SLC30A8: variants seen among roughly 807,000 people sequenced by gnomAD.
SLC30A8 encodes the protein solute carrier family 30 member 8, also known as proton-coupled zinc antiporter SLC30A8.
In SLC30A8, 27 loss-of-function variants were observed where a neutral mutation model predicts 36.9. The ratio of observed to expected loss-of-function variants is 0.73; its 90% confidence interval spans 0.54 to 1.01. SLC30A8 has a LOEUF of 1.01. Ranked by LOEUF, SLC30A8 falls within the 50% of genes least tolerant of loss-of-function variation. The pLI is 0.00. For missense variants in SLC30A8, 439 were observed against 452.0 expected (o/e 0.97, Z 0.26); for synonymous variants, 164 against 172.4 (o/e 0.95, Z 0.38).
At chr8:117,074,988 C>T (rs1185726504) in intron 2 of SLC30A8, among the ~76,000 whole-genome samples, 3 of 151,902 alleles carry the variant, frequency 2.0e-5, no homozygotes, top group Non-Finnish European at 4.4e-5. Flanking sequence ...TTAAATAGGT[C>T]TATAGGGAGA....
intron 2 of SLC30A8, among the ~76,000 whole-genome samples, chr8:117,149,677 T>TATC (rs964253044): frequency 1.3e-5 from 2 of 152,342 alleles, no homozygotes; most frequent in East Asian, 1.9e-4. Context: ...TGCCTCCTGC[T>TATC]ATCACACAGT....
At chr8:116,982,112 A>T (rs1815288829) in intron 1 of SLC30A8, among the ~76,000 whole-genome samples, 1 of 152,152 alleles carries the variant, frequency 6.6e-6, no homozygotes, top group Non-Finnish European at 1.5e-5. Flanking sequence ...AGCCATTCTG[A>T]CTGATGTCAT....
Position 117,152,975 on chromosome 8 carries a change from C to T in SLC30A8, c.303C>T (p.Val101=). The T allele has an allele frequency of 6.2e-7, 1 of 1,612,446 alleles. No individual in the cohort carries two copies. Among genetic ancestry groups the T allele is most frequent in the Non-Finnish European group, 8.5e-7 (1 of 1,178,836 alleles). ...ACATTGCTGGGAGTCTTGCTGTTGT[C>T]ACAGATGCTGCCCACCTCTTAATTG... ...GGHIAGSLAV[V]TDAAHLLIDL... The change falls in exon 3 of 8, where the codon GTC becomes GTT. Residue 101 remains valine (V), a synonymous_variant. Coordinates refer to ENST00000456015, the MANE Select transcript of SLC30A8 (RefSeq NM_173851.3).
At chr8:117,144,335 C>T (rs1477578279) in intron 1 of SLC30A8, among the ~76,000 whole-genome samples, 1 of 152,162 alleles carries the variant, frequency 6.6e-6, no homozygotes, top group Admixed American at 6.5e-5. Flanking sequence ...ATCCTGAGTG[C>T]TATTCACATA....
At chr8:116,977,986 A>G (rs897433853) in intron 1 of SLC30A8, among the ~76,000 whole-genome samples, 3 of 150,764 alleles carry the variant, frequency 2.0e-5, no homozygotes, top group East Asian at 1.9e-4. Context: ...GGAAATGGCT[A>G]GTACCCGAAG....
At chr8:117,160,226 C>T (rs1822706132) in intron 4 of SLC30A8, among the ~76,000 whole-genome samples, 1 of 152,226 alleles carries the variant, frequency 6.6e-6, no homozygotes, top group African/African-American at 2.4e-5. Context: ...TAAATACAGC[C>T]TTAAGGCTAT....
intron 1 of SLC30A8, among the ~76,000 whole-genome samples, chr8:116,976,789 C>T (rs1378439410): frequency 6.9e-6 from 1 of 144,800 alleles, no homozygotes; most frequent in Non-Finnish European, 1.5e-5. Context: ...GCTGAGTTTC[C>T]CCTTTTATTT....
rs201875116 is a variant in SLC30A8, at chr8:117,135,308, C to A, written c.-20C>A. The A allele has an allele frequency of 9.5e-6, 15 of 1,576,242 alleles. No homozygotes were observed. In the South Asian group the frequency reaches 1.8e-4, roughly 19 times the overall value. ...GTTCAACAACAACGACAACAACAGC[C>A]GCAGCTCATCCTGGCCGTCATGGAG... is the stretch of plus-strand genomic sequence containing the variant. On this transcript the variant is annotated 5_prime_UTR_variant, in exon 1 of 8. Transcript: ENST00000456015.
At chr8:117,018,452 C>G (rs1470898453) in intron 1 of SLC30A8, among the ~76,000 whole-genome samples, 1 of 152,052 alleles carries the variant, frequency 6.6e-6, no homozygotes, top group African/African-American at 2.4e-5. Flanking sequence ...TTCAGCACAT[C>G]TCAATTGGAC....
chr8:117,098,249 G>T (rs748069302), intron 2 of SLC30A8, among the ~76,000 whole-genome samples: 2 of 151,360 alleles, frequency 1.3e-5, no homozygotes, highest in African/African-American at 4.9e-5. Context: ...TACATGCTTG[G>T]TAGGATGAGG....
At chr8:117,169,375 C>CTGAT (rs1823245059) in intron 6 of SLC30A8, among the ~76,000 whole-genome samples, 1 of 152,082 alleles carries the variant, frequency 6.6e-6, no homozygotes, top group African/African-American at 2.4e-5. Context: ...TTGCCAAGGT[C>CTGAT]TGATTGCAAA....
At chr8:116,950,559 C>T (rs1264203015), upstream of SLC30A8, 1 of 152,192 alleles carries the variant, frequency 6.6e-6, no homozygotes. Flanking sequence ...ACTGAACTGG[C>T]AGCAAAATAG....
chr8:117,140,689 A>G (rs1471215423), intron 1 of SLC30A8, among the ~76,000 whole-genome samples: 1 of 152,080 alleles, frequency 6.6e-6, no homozygotes, highest in Non-Finnish European at 1.5e-5. Flanking sequence ...ATAAAGACAA[A>G]CAAAATCTAA....
At chr8:117,067,847 C>T (rs537260669) in intron 2 of SLC30A8, among the ~76,000 whole-genome samples, 120 of 152,170 alleles carry the variant, frequency 7.9e-4, no homozygotes, top group African/African-American at 2.6e-3. Flanking sequence ...TCAAAAATAA[C>T]ATTTTACTGG....
chr8:117,063,048 A>G (rs117630431), intron 2 of SLC30A8, among the ~76,000 whole-genome samples: 2,370 of 152,304 alleles, frequency 0.016, 33 homozygotes, highest in Middle Eastern at 0.065. Context: ...CGAGTCCAAC[A>G]ATGCGAGTTC....
chr8:117,130,693 A>C (rs1235601771), upstream of SLC30A8, among the ~76,000 whole-genome samples: 2 of 151,984 alleles, frequency 1.3e-5, no homozygotes, highest in African/African-American at 2.4e-5. Flanking sequence ...GCCTTTTTAT[A>C]TAAATAAAAA....
At chr8:116,990,578 A>G (rs920677106) in intron 1 of SLC30A8, among the ~76,000 whole-genome samples, 7 of 152,194 alleles carry the variant, frequency 4.6e-5, no homozygotes, top group Non-Finnish European at 8.8e-5. Context: ...ATAAGGAAAG[A>G]GTGAGAAATA....
chr8:116,980,032 A>T (rs991289142), intron 1 of SLC30A8, among the ~76,000 whole-genome samples: 2 of 152,246 alleles, frequency 1.3e-5, no homozygotes, highest in Admixed American at 6.5e-5. Flanking sequence ...AAATGATGTT[A>T]TTAAAACAAA....
At chr8:117,045,912 C>A (rs1817535334) in intron 2 of SLC30A8, among the ~76,000 whole-genome samples, 1 of 151,562 alleles carries the variant, frequency 6.6e-6, no homozygotes, top group African/African-American at 2.4e-5. Flanking sequence ...AGAGCCTGGG[C>A]AGACTGTTTT....
Sources: allele counts gnomAD v4.1 joint callset (sites outside exome capture counted in the v4.1 genomes callset), GRCh38; gene constraint gnomAD v4.1.1; transcripts MANE v1.5; gene names NCBI Gene and HGNC (gene_info 2026-07-23, HGNC 2026-07-21).